MUC17: variants seen among roughly 807,000 people sequenced by gnomAD.
MUC17 encodes mucin-17.
A neutral mutation model predicts 170.3 loss-of-function variants in MUC17; 190 were observed. The observed-to-expected ratio is 1.12, with a 90% confidence interval of 0.99 to 1.26. The LOEUF (loss-of-function observed/expected upper bound fraction) is 1.26, where lower values mean the gene tolerates loss of function less well. Ranked by LOEUF, MUC17 falls within the 50% of genes most tolerant of loss-of-function variation. MUC17 has a pLI of 0.00. For synonymous variants in MUC17, 2,325 were observed against 2,002.5 expected, an observed-to-expected ratio of 1.16 and a Z score of -4.30; for missense variants, 6,415 against 5,530.0, an observed-to-expected ratio of 1.16 and a Z score of -5.08.
At position 101,031,835 on chromosome 7, in the gene MUC17, C is replaced by A. The variant is rs755321879; in HGVS notation, c.419C>A (p.Thr140Lys). The change falls in exon 3 of 13, where the codon ACA becomes AAA. Residue 140 changes from threonine (T) to lysine (K), a missense_variant. Physicochemically the swap from Thr to Lys is moderately conservative, Grantham distance 78. Transcript: ENST00000306151. ...PSSTEDTSSPTTPEGTDVPMS... is the reference protein window; with the variant it reads ...PSSTEDTSSPKTPEGTDVPMS... ...TCTACTGAAGACACTTCATCTCCTA[C>A]AACTCCTGAAGGCACCGACGTGCCC... 1.5e-5 allele frequency: 24 copies of A among 1,613,950 alleles called. No individual in the cohort carries two copies. The highest frequency in any genetic ancestry group is 1.7e-5 in the Non-Finnish European group (20 of 1,179,876).
In MUC17 at chr7:101,043,323, T is replaced by C. The variant is rs778105590; in HGVS notation, c.11907T>C (p.Thr3969=). The C allele has an allele frequency of 9.9e-6, 16 of 1,614,178 alleles. No individual in the cohort carries two copies. The South Asian group carries it at 1.8e-4, about 18-fold the overall frequency. The part of the protein sequence containing the change: ...GAVSTPVITS[T]ELNTPSTSSS... ...TATCTACCCCTGTGATAACTTCCAC[T>C]GAACTAAACACACCATCAACCTCCA... The change falls in exon 3 of 13, where the codon ACT becomes ACC. Residue 3969 remains threonine (T), a synonymous_variant. Coordinates refer to ENST00000306151, the MANE Select transcript of MUC17 (RefSeq NM_001040105.2).
chr7:101,052,113 T>C, intron 9 of MUC17, 151 bp downstream of exon 9: 1 of 967,192 alleles, frequency 1.0e-6, no homozygotes, highest in Non-Finnish European at 1.5e-6. Context: ...AGGAATTGGG[T>C]TGGGGATAAG....
Position 101,036,224 on chromosome 7 carries a change from A to G in MUC17, c.4808A>G (p.Gln1603Arg), listed in dbSNP as rs866746254. The G allele has an allele frequency of 6.2e-7, 1 of 1,613,652 alleles. No individual in the cohort carries two copies. Residue 1603 changes from glutamine to arginine, a missense_variant, in exon 3 of 13, where the codon CAG becomes CGG. Coordinates refer to ENST00000306151, the MANE Select transcript of MUC17 (RefSeq NM_001040105.2). Reference sequence around the variant, plus strand: ...ACAACCCCTATTGACTCCAAAACTCAGGTGACCGCTTCTACTGAAGCCAGT... The same window carrying G: ...ACAACCCCTATTGACTCCAAAACTCGGGTGACCGCTTCTACTGAAGCCAGT... The part of the protein sequence containing the change: ...LSTTPIDSKT[Q>R]VTASTEASSS...
Position 101,053,334 on chromosome 7 carries a change from A to G in MUC17, c.13266-5A>G. ...ATGGGGTCTCTCTGATGTTTCCATCACTAGGCAAAAGTACAGATTGTCTCA... is the reference window on the plus strand; with the variant it reads ...ATGGGGTCTCTCTGATGTTTCCATCGCTAGGCAAAAGTACAGATTGTCTCA... On this transcript the variant is annotated splice_region_variant and splice_polypyrimidine_tract_variant and intron_variant, in intron 10 of 12. Coordinates refer to ENST00000306151, the MANE Select transcript of MUC17 (RefSeq NM_001040105.2). 5.0e-6 allele frequency: 8 copies of G among 1,613,586 alleles called. No individual in the cohort carries two copies. Among genetic ancestry groups the G allele is most frequent in the Non-Finnish European group, 6.8e-6 (8 of 1,179,504 alleles).
intron 12 of MUC17, among the ~76,000 whole-genome samples, chr7:101,057,454 C>T (rs2116489073): frequency 6.6e-6 from 1 of 152,310 alleles, no homozygotes; most frequent in Middle Eastern, 3.4e-3. Flanking sequence ...TCTAAACCAA[C>T]CACTTAGGCC....
intron 7 of MUC17, 44 bp downstream of exon 7, chr7:101,050,679 G>A (rs770348951): frequency 1.2e-5 from 19 of 1,595,096 alleles, no homozygotes; most frequent in Non-Finnish European, 1.5e-5. Context: ...AGGCATCAGA[G>A]CTGGGGCATG....
chr7:101,040,828 A>G lies in MUC17; in HGVS notation c.9412A>G (p.Thr3138Ala), dbSNP rs760469805. Residue 3138 changes from threonine to alanine, a missense_variant, in exon 3 of 13, where the codon ACT becomes GCT. Transcript: ENST00000306151. Reference sequence around the variant, plus strand: ...TGTTGACACCAGCACACCTGTGACCACTTCTACTGAAGCCCATTCATCTCC... The same window carrying G: ...TGTTGACACCAGCACACCTGTGACCGCTTCTACTGAAGCCCATTCATCTCC... ...TPVDTSTPVT[T>A]STEAHSSPTT... The G allele has an allele frequency of 1.2e-6, 2 of 1,613,662 alleles. No homozygotes were observed. The highest frequency in any genetic ancestry group is 2.2e-5 in the East Asian group (1 of 44,852).
Position 101,040,074 on chromosome 7 carries a change from T to C in MUC17, c.8658T>C (p.Ala2886=). 1.2e-6 allele frequency: 2 copies of C among 1,613,178 alleles called. No individual in the cohort carries two copies. Among genetic ancestry groups the C allele is most frequent in the South Asian group, 2.2e-5 (2 of 91,038 alleles). ...CCACGCCGGTGGCCAGTTCTGAGGC[T>C]AGCACCCTTTCAACAACTCCTGTTG... ...VSTTPVASSE[A]STLSTTPVDT... Residue 2886 remains alanine (A), a synonymous_variant, in exon 3 of 13, where the codon GCT becomes GCC. Transcript: ENST00000306151.
At chr7:101,020,836 G>T (rs894664124) in intron 1 of MUC17, among the ~76,000 whole-genome samples, 1 of 152,128 alleles carries the variant, frequency 6.6e-6, no homozygotes, top group African/African-American at 2.4e-5. Flanking sequence ...CAGCTCAGCC[G>T]CTTTGGGCTT....
chr7:101,024,363 G>A (rs1260136877), intron 1 of MUC17, among the ~76,000 whole-genome samples: 1 of 151,606 alleles, frequency 6.6e-6, no homozygotes. Flanking sequence ...TGGCATCACT[G>A]CACTCCAGCC....
At position 101,042,375 on chromosome 7, in the gene MUC17, C is replaced by T; in HGVS notation, c.10959C>T (p.Gly3653=). ...STTSVTISEA[G]TASTLPVDTS... ...CATCGGTGACCATTTCTGAGGCTGG[C>T]ACAGCTTCAACACTTCCTGTTGACA... Residue 3653 remains glycine (G), a synonymous_variant, in exon 3 of 13, where the codon GGC becomes GGT. Coordinates refer to ENST00000306151, the MANE Select transcript of MUC17 (RefSeq NM_001040105.2). The T allele has an allele frequency of 3.7e-6, 6 of 1,614,084 alleles. No individual in the cohort carries two copies. Among genetic ancestry groups the T allele is most frequent in the Non-Finnish European group, 5.1e-6 (6 of 1,179,968 alleles).
In MUC17 at chr7:101,042,273, T is replaced by A. The variant is rs1383765617; in HGVS notation, c.10857T>A (p.Pro3619=). 6.2e-7 allele frequency: 1 copy of A among 1,613,316 alleles called. No individual in the cohort carries two copies. Among genetic ancestry groups the A allele is most frequent in the Non-Finnish European group, 8.5e-7 (1 of 1,179,906 alleles). The stretch of plus-strand genomic sequence containing the variant: ...CTCAGAGCAATTCTACTCCTACACC[T>A]CCTGAAGTTATCACCCTGCCAATGT... ...TSTQSNSTPT[P]PEVITLPMST... Residue 3619 remains proline (P), a synonymous_variant, in exon 3 of 13, where the codon CCT becomes CCA. Coordinates refer to ENST00000306151, the MANE Select transcript of MUC17 (RefSeq NM_001040105.2).
chr7:101,048,154 G>T, intron 4 of MUC17, 39 bp downstream of exon 4: 1 of 1,514,362 alleles, frequency 6.6e-7, no homozygotes, highest in Non-Finnish European at 8.8e-7. Context: ...CCCATGCCCT[G>T]GGACCCGACC....
Position 101,038,611 on chromosome 7 carries a change from C to A in MUC17, c.7195C>A (p.Leu2399Ile). ...TSTYSEGSTP[L>I]TSVPVSTMPV... ...AACTTATAGTGAAGGAAGCACTCCA[C>A]TAACAAGTGTGCCTGTCAGCACCAT... The change falls in exon 3 of 13, where the codon CTA (leucine) becomes ATA (isoleucine). Residue 2399 changes from leucine to isoleucine, a missense_variant. Physicochemically the swap from Leu to Ile is conservative, Grantham distance 5 (BLOSUM62 2). Coordinates refer to ENST00000306151, the MANE Select transcript of MUC17 (RefSeq NM_001040105.2). 6.2e-7 allele frequency: 1 copy of A among 1,613,072 alleles called. No homozygotes were observed. Among genetic ancestry groups the A allele is most frequent in the Non-Finnish European group, 8.5e-7 (1 of 1,179,690 alleles).
chr7:101,054,219 T>A (rs951870898), intron 11 of MUC17, among the ~76,000 whole-genome samples: 1 of 152,070 alleles, frequency 6.6e-6, no homozygotes, highest in African/African-American at 2.4e-5. Flanking sequence ...TGTGAGACCC[T>A]GGATGGGGCA....
chr7:101,041,874 C>T lies in MUC17; in HGVS notation c.10458C>T (p.Ser3486=), dbSNP rs1427904699. 6.2e-7 allele frequency: 1 copy of T among 1,613,960 alleles called. No homozygotes were observed. Among genetic ancestry groups the T allele is most frequent in the African/African-American group, 1.3e-5 (1 of 74,892 alleles). The change falls in exon 3 of 13, where the codon AGC becomes AGT. Residue 3486 remains serine, a synonymous_variant. Transcript: ENST00000306151. ...TTTCAACAACTCCTGTTGACACCAG[C>T]ACACCTGTGACCACTTCTTCTCCAA... ...STLSTTPVDT[S]TPVTTSSPTN...
Position 101,032,329 on chromosome 7 carries a change from C to G in MUC17, c.913C>G (p.Pro305Ala). The change falls in exon 3 of 13, where the codon CCT (proline) becomes GCT (alanine). Residue 305 changes from proline to alanine, a missense_variant. Pro to Ala is a conservative substitution (Grantham distance 27, BLOSUM62 -1). Transcript: ENST00000306151. ...LSTTPAATNI[P>A]VITSTEASSS... is the part of the protein sequence containing the mutation. ...AACAACTCCTGCTGCCACCAACATT[C>G]CTGTGATCACTTCTACTGAAGCCAG... The G allele has an allele frequency of 1.2e-6, 2 of 1,613,590 alleles. No individual in the cohort carries two copies. Among genetic ancestry groups the G allele is most frequent in the Non-Finnish European group, 1.7e-6 (2 of 1,179,886 alleles).
At position 101,036,600 on chromosome 7, in the gene MUC17, T is replaced by C. The variant is rs1562810179; in HGVS notation, c.5184T>C (p.Arg1728=). The change falls in exon 3 of 13, where the codon CGT becomes CGC. Residue 1728 remains arginine (R), a synonymous_variant. Coordinates refer to ENST00000306151, the MANE Select transcript of MUC17 (RefSeq NM_001040105.2). ...STPVTTSTEA[R]SSPTTSEGTS... is the part of the protein sequence containing the mutation. ...CTGTGACCACTTCTACTGAAGCCCG[T>C]TCATCTCCTACAACTTCTGAAGGTA... is the stretch of plus-strand genomic sequence containing the variant. 6.2e-7 allele frequency: 1 copy of C among 1,612,850 alleles called. No individual in the cohort carries two copies. The highest frequency in any genetic ancestry group is 1.1e-5 in the South Asian group (1 of 91,014).
At chr7:101,021,279 G>A (rs1174298815) in intron 1 of MUC17, among the ~76,000 whole-genome samples, 2 of 149,470 alleles carry the variant, frequency 1.3e-5, no homozygotes, top group Non-Finnish European at 3.0e-5. Flanking sequence ...TCTGCCTCCC[G>A]GGTTCAAGCG....
Sources: gnomAD v4.1 joint callset for allele counts (sites outside exome capture counted in the v4.1 genomes callset) on GRCh38, gnomAD v4.1.1 for gene constraint, MANE v1.5 for transcripts, NCBI Gene and HGNC (gene_info 2026-07-23, HGNC 2026-07-21) for gene names.